DSCAM: variants seen among roughly 807,000 people sequenced by gnomAD.
DSCAM encodes cell adhesion molecule DSCAM.
A neutral mutation model predicts 217.7 loss-of-function variants in DSCAM; 47 were observed. That is an observed-to-expected ratio of 0.22 (90% CI 0.17 to 0.28). DSCAM has a LOEUF of 0.28. Among genes scored for constraint, DSCAM ranks in the 10% least tolerant of loss-of-function variants. The probability of loss-of-function intolerance (pLI) is 1.00; values close to 1 mark genes in which losing one functional copy is unlikely to be tolerated. For synonymous variants in DSCAM, 1,056 were observed against 1,015.3 expected, an observed-to-expected ratio of 1.04 and a Z score of -0.76; for missense variants, 2,080 against 2,618.3, an observed-to-expected ratio of 0.79 and a Z score of 4.49.
chr21:40,460,497 A>C lies in DSCAM; in HGVS notation c.509-91252T>G, dbSNP rs931367902. On this transcript the variant is annotated intron_variant, in intron 3 of 32. Coordinates refer to ENST00000400454, the MANE Select transcript of DSCAM (RefSeq NM_001389.5). ...AACTTAGAAACTTAACCACATAAAAAATAATTATTTACAGCAAAAGCAAAA... is the reference window on the plus strand; with the variant it reads ...AACTTAGAAACTTAACCACATAAAACATAATTATTTACAGCAAAAGCAAAA... 5.9e-5 allele frequency among the ~76,000 whole-genome samples: 9 copies of C among 152,262 alleles called. No homozygotes were observed. The East Asian group carries it at 1.7e-3, about 29-fold the overall frequency.
rs1198181045 is a variant in DSCAM at position 40,055,777 on chromosome 21, G to A, written c.4983C>T (p.Asp1661=). ...KQQQTLRMHI[D]IPRAQLLIEE... is the part of the protein sequence containing the mutation. The stretch of plus-strand genomic sequence containing the variant: ...CAATCAAAAGCTGAGCCCTGGGTAT[G>A]TCGATGTGCATTCGCAGGGTCTGCT... Residue 1661 remains aspartate (D), a synonymous_variant, in exon 29 of 33, where the codon GAC becomes GAT. Coordinates refer to ENST00000400454, the MANE Select transcript of DSCAM (RefSeq NM_001389.5). 16 of 1,614,000 alleles carry A rather than the reference G, an allele frequency of 9.9e-6. No homozygotes were observed. Among genetic ancestry groups the A allele is most frequent in the Non-Finnish European group, 1.2e-5 (14 of 1,179,860 alleles).
intron 1 of DSCAM, among the ~76,000 whole-genome samples, chr21:40,801,687 G>A (rs2091742242): frequency 6.6e-6 from 1 of 152,168 alleles, no homozygotes; most frequent in African/African-American, 2.4e-5. Context: ...GAGACCCTAG[G>A]TATGGCTTGT....
At chr21:40,820,477 G>T (rs574871267) in intron 1 of DSCAM, among the ~76,000 whole-genome samples, 5 of 152,132 alleles carry the variant, frequency 3.3e-5, no homozygotes, top group Non-Finnish European at 7.3e-5. Flanking sequence ...GGGGCAAGGT[G>T]GGGGAGAGCA....
chr21:40,596,059 G>A (rs1023464810), intron 3 of DSCAM, among the ~76,000 whole-genome samples: 2 of 152,192 alleles, frequency 1.3e-5, no homozygotes, highest in African/African-American at 4.8e-5. Context: ...ACTAGGACCA[G>A]CCTGTTTTCT....
intron 11 of DSCAM, among the ~76,000 whole-genome samples, chr21:40,227,204 T>A (rs1176258742): frequency 6.6e-6 from 1 of 152,178 alleles, no homozygotes; most frequent in Non-Finnish European, 1.5e-5. Context: ...GGATAAAATG[T>A]GTCATGGTTG....
chr21:40,288,727 G>T (rs140612600), intron 10 of DSCAM, among the ~76,000 whole-genome samples: 1 of 152,322 alleles, frequency 6.6e-6, no homozygotes, highest in East Asian at 1.9e-4. Context: ...TGGCAATAAT[G>T]ATATTAATAA....
chr21:40,380,469 C>G (rs2075008793), intron 3 of DSCAM, among the ~76,000 whole-genome samples: 2 of 152,120 alleles, frequency 1.3e-5, no homozygotes, highest in East Asian at 3.9e-4. Flanking sequence ...GTTGGGAACA[C>G]AGACAAAAAG....
intron 3 of DSCAM, among the ~76,000 whole-genome samples, chr21:40,579,563 G>A (rs2076886636): frequency 6.6e-6 from 1 of 152,082 alleles, no homozygotes; most frequent in South Asian, 2.1e-4. Flanking sequence ...AAGATTACAA[G>A]CCAAGCAGGA....
At chr21:40,079,084 A>C in intron 25 of DSCAM, 107 bp from the exon 26 acceptor site, 1 of 1,327,288 alleles carries the variant, frequency 7.5e-7, no homozygotes, top group Non-Finnish European at 1.0e-6. Flanking sequence ...CCAGGAGCTC[A>C]GTCCAAGTCT....
At position 40,290,388 on chromosome 21, in the gene DSCAM, C is replaced by T. The variant is rs563992247; in HGVS notation, c.2182+5667G>A. 4.6e-5 allele frequency among the ~76,000 whole-genome samples: 7 copies of T among 152,166 alleles called. No individual in the cohort carries two copies. The South Asian group carries it at 1.2e-3, about 27-fold the overall frequency. On this transcript the variant is annotated intron_variant, in intron 10 of 32. Coordinates refer to ENST00000400454, the MANE Select transcript of DSCAM (RefSeq NM_001389.5). ...CTGTAATCCCAGCACTTTGGGAGAC[C>T]GAGTTGGGTGGATCACGAGGTCAGG... is the stretch of plus-strand genomic sequence containing the variant.
intron 1 of DSCAM, among the ~76,000 whole-genome samples, chr21:40,785,879 C>T (rs4818177): frequency 1 from 151,652 of 152,338 alleles, 75,484 homozygotes; most frequent in Middle Eastern, 1. Context: ...CACATACTCC[C>T]ATCATCATTT....
chr21:40,739,533 T>G (rs1192563684), intron 1 of DSCAM, among the ~76,000 whole-genome samples: 1 of 152,204 alleles, frequency 6.6e-6, no homozygotes, highest in Non-Finnish European at 1.5e-5. Context: ...TATCCCTCTG[T>G]GTGAGTCTTT....
chr21:40,106,523 T>G (rs1403404639), intron 20 of DSCAM, among the ~76,000 whole-genome samples: 1 of 152,200 alleles, frequency 6.6e-6, no homozygotes, highest in Non-Finnish European at 1.5e-5. Flanking sequence ...CTAGATTTTT[T>G]GGAATAGTTT....
intron 11 of DSCAM, among the ~76,000 whole-genome samples, chr21:40,265,063 G>A (rs1311423523): frequency 7.1e-6 from 1 of 140,472 alleles, no homozygotes; most frequent in Non-Finnish European, 1.5e-5. Context: ...TGTAGTGACA[G>A]GCATCTATAA....
At chr21:40,037,440 C>A (rs1195979498) in intron 32 of DSCAM, among the ~76,000 whole-genome samples, 25 of 143,218 alleles carry the variant, frequency 1.7e-4, no homozygotes, top group African/African-American at 5.5e-4. Flanking sequence ...AATAAAATAC[C>A]TAGGAATCCA....
At chr21:40,194,856 G>A (rs186393696) in intron 11 of DSCAM, among the ~76,000 whole-genome samples, 1 of 152,122 alleles carries the variant, frequency 6.6e-6, no homozygotes, top group Non-Finnish European at 1.5e-5. Context: ...GGCAATGGTG[G>A]TAGTATTTAT....
intron 11 of DSCAM, among the ~76,000 whole-genome samples, chr21:40,206,257 A>G (rs1442328256): frequency 3.3e-5 from 5 of 152,228 alleles, no homozygotes; most frequent in Non-Finnish European, 7.3e-5. Context: ...GTCCCTAATG[A>G]CAGGAACAGG....
intron 16 of DSCAM, among the ~76,000 whole-genome samples, chr21:40,157,659 C>G (rs1214574120): frequency 6.6e-6 from 1 of 151,860 alleles, no homozygotes; most frequent in Non-Finnish European, 1.5e-5. Flanking sequence ...CATTCTTTCT[C>G]TAGAGCTAGG....
intron 3 of DSCAM, among the ~76,000 whole-genome samples, chr21:40,475,607 C>T (rs932927163): frequency 5.1e-4 from 77 of 152,296 alleles, no homozygotes; most frequent in African/African-American, 1.5e-3. Context: ...CCGAGGCAGG[C>T]AGATCACAAG....
Sources: allele counts gnomAD v4.1 joint callset (sites outside exome capture counted in the v4.1 genomes callset), GRCh38; gene constraint gnomAD v4.1.1; transcripts MANE v1.5; gene names NCBI Gene and HGNC (gene_info 2026-07-23, HGNC 2026-07-21).